LYPD6B: variants seen among roughly 807,000 people sequenced by gnomAD.
The protein encoded by LYPD6B is ly6/PLAUR domain-containing protein 6B.
A neutral mutation model predicts 22.8 loss-of-function variants in LYPD6B; 17 were observed. The observed-to-expected ratio is 0.75, with a 90% CI of 0.51 to 1.12. The LOEUF (loss-of-function observed/expected upper bound fraction) is 1.12. Among genes scored for constraint, LYPD6B ranks in the 50% most tolerant of loss-of-function variants. The pLI is 0.00. For missense variants in LYPD6B, 221 were observed against 258.3 expected (o/e 0.86, Z 0.99); for synonymous variants, 106 against 91.6 (o/e 1.16, Z -0.90).
rs147660979 is a variant in LYPD6B at position 149,094,054 on chromosome 2, G to T, written c.-66-36829G>T. On this transcript the variant is annotated intron_variant, in intron 1 of 6. Transcript: ENST00000409642. Reference sequence around the variant, plus strand: ...GAATGGATAGAAAGTGGTGGAACAAGAAATGGATAAATAAGCATAGTATAA... The same window carrying T: ...GAATGGATAGAAAGTGGTGGAACAATAAATGGATAAATAAGCATAGTATAA... Among the ~76,000 whole-genome samples the T allele has an allele frequency of 3.7e-3, 557 of 152,244 alleles. 2 individuals carry two copies. Among genetic ancestry groups the T allele is most frequent in the African/African-American group, 0.01 (421 of 41,540 alleles).
intron 1 of LYPD6B, among the ~76,000 whole-genome samples, chr2:149,102,205 C>T (rs1344852694): frequency 6.6e-6 from 1 of 152,170 alleles, no homozygotes; most frequent in Non-Finnish European, 1.5e-5. Context: ...GAATGAATCA[C>T]TTTAAAAAAG....
intron 1 of LYPD6B, among the ~76,000 whole-genome samples, chr2:149,085,272 C>A (rs1275697269): frequency 6.6e-6 from 1 of 152,202 alleles, no homozygotes; most frequent in Non-Finnish European, 1.5e-5. Flanking sequence ...ATGTTCGTGC[C>A]CTTCAGTATC....
In LYPD6B at chr2:149,214,538, T is replaced by A; in HGVS notation, c.460-8T>A. 6.2e-7 allele frequency: 1 copy of A among 1,612,496 alleles called. No homozygotes were observed. The highest frequency in any genetic ancestry group is 8.5e-7 in the Non-Finnish European group (1 of 1,178,598). On this transcript the variant is annotated splice_region_variant and splice_polypyrimidine_tract_variant and intron_variant, in intron 6 of 6. Coordinates refer to ENST00000409642, the MANE Select transcript of LYPD6B (RefSeq NM_177964.5). ...CACTGTCATTTCCTCTCTCCTTTTT[T>A]GTAACAGGAGTGTAGGTCTTGCTGT...
At chr2:149,135,394 A>G (rs1191324052) in intron 2 of LYPD6B, among the ~76,000 whole-genome samples, 1 of 152,032 alleles carries the variant, frequency 6.6e-6, no homozygotes, top group Non-Finnish European at 1.5e-5. Context: ...CTTTGTGTGC[A>G]TATTTAAATA....
In LYPD6B at chr2:149,214,831, C is replaced by A; in HGVS notation, c.*121C>A. 9.5e-7 allele frequency: 1 copy of A among 1,050,242 alleles called. No individual in the cohort carries two copies. Among genetic ancestry groups the A allele is most frequent in the Non-Finnish European group, 1.4e-6 (1 of 695,048 alleles). The allele number at this position is 1,050,242 out of a possible 1,614,324, so 65.1% of individuals were successfully genotyped here. A position where few individuals can be genotyped will look rare whatever the true frequency, so the allele number is the denominator to read the frequency against. On this transcript the variant is annotated 3_prime_UTR_variant, in exon 7 of 7. Coordinates refer to ENST00000409642, the MANE Select transcript of LYPD6B (RefSeq NM_177964.5). Reference sequence around the variant, plus strand: ...TTGGTGAAGAGTGCACATTGGACCTCAAGGCGAAAGCCAGTGGTTTGCTTG... The same window carrying A: ...TTGGTGAAGAGTGCACATTGGACCTAAAGGCGAAAGCCAGTGGTTTGCTTG...
chr2:149,159,734 A>G (rs1689932440), intron 2 of LYPD6B, among the ~76,000 whole-genome samples: 1 of 152,008 alleles, frequency 6.6e-6, no homozygotes, highest in Admixed American at 6.6e-5. Flanking sequence ...ACCAGGTTGG[A>G]GATCCAAGGA....
At chr2:149,177,887 G>A (rs10177769) in intron 3 of LYPD6B, among the ~76,000 whole-genome samples, 60,481 of 149,224 alleles carry the variant, frequency 0.41, 12,439 homozygotes, top group Non-Finnish European at 0.43. Flanking sequence ...TGGAAGTAAG[G>A]TAATGTTTAT....
chr2:149,171,934 C>T (rs1463175773), intron 3 of LYPD6B, among the ~76,000 whole-genome samples: 1 of 151,846 alleles, frequency 6.6e-6, no homozygotes, highest in Non-Finnish European at 1.5e-5. Context: ...GCTCCCAGGC[C>T]CCTGGTTTCT....
chr2:149,147,068 G>A (rs1371416831), intron 2 of LYPD6B, among the ~76,000 whole-genome samples: 1 of 152,134 alleles, frequency 6.6e-6, no homozygotes, highest in Non-Finnish European at 1.5e-5. Flanking sequence ...GGGCGGAGAA[G>A]CACAACCCCA....
rs1687559895 is a variant in LYPD6B at position 149,124,315 on chromosome 2, CA to C, written c.-66-6567del. ...TATCAATGACGGTTGTTCCACTGGG[CA>C]GAGAACATTATCTCCTCTTTGCATA... On this transcript the variant is annotated intron_variant, in intron 1 of 6. Coordinates refer to ENST00000409642, the MANE Select transcript of LYPD6B (RefSeq NM_177964.5). 7.2e-5 allele frequency among the ~76,000 whole-genome samples: 11 copies of C among 152,182 alleles called. No homozygotes were observed. In the South Asian group the frequency reaches 2.3e-3, roughly 32 times the overall value.
Position 149,206,944 on chromosome 2 carries a change from C to T in LYPD6B, c.230-1370C>T, listed in dbSNP as rs551759974. ...CTTTATATCAGAAAGAAAAAGAAAT[C>T]ACAAGCAAACTAAATGTTAAATAAT... On this transcript the variant is annotated intron_variant, in intron 4 of 6. Transcript: ENST00000409642. Among the ~76,000 whole-genome samples, 4 of 152,188 alleles carry T rather than the reference C, an allele frequency of 2.6e-5. No homozygotes were observed. In the South Asian group the frequency reaches 6.2e-4, roughly 24 times the overall value.
At chr2:149,042,803 C>G (rs1313717313) in intron 1 of LYPD6B, among the ~76,000 whole-genome samples, 1 of 152,208 alleles carries the variant, frequency 6.6e-6, no homozygotes, top group Non-Finnish European at 1.5e-5. Context: ...GGCTTATTCT[C>G]TCTTGTTTCC....
At chr2:149,136,981 T>A (rs1410389191) in intron 2 of LYPD6B, among the ~76,000 whole-genome samples, 1 of 152,200 alleles carries the variant, frequency 6.6e-6, no homozygotes, top group African/African-American at 2.4e-5. Flanking sequence ...TTCATTTAAA[T>A]GTTTTGGATG....
At chr2:149,123,666 A>G (rs945533439) in intron 1 of LYPD6B, among the ~76,000 whole-genome samples, 3 of 152,160 alleles carry the variant, frequency 2.0e-5, no homozygotes, top group African/African-American at 7.2e-5. Flanking sequence ...GATCGAGACC[A>G]TCCTGGCCAA....
chr2:149,083,679 A>G (rs1037942135), intron 1 of LYPD6B, among the ~76,000 whole-genome samples: 4 of 152,172 alleles, frequency 2.6e-5, no homozygotes, highest in Non-Finnish European at 4.4e-5. Context: ...ATTTTTTGCC[A>G]AAGCTACTTC....
At chr2:149,158,810 G>A (rs1175012079) in intron 2 of LYPD6B, among the ~76,000 whole-genome samples, 1 of 152,120 alleles carries the variant, frequency 6.6e-6, no homozygotes. Context: ...TATTACTTGA[G>A]CTTAAAAACC....
intron 1 of LYPD6B, among the ~76,000 whole-genome samples, chr2:149,039,441 G>C (rs912090002): frequency 7.2e-5 from 11 of 152,218 alleles, no homozygotes; most frequent in Non-Finnish European, 1.3e-4. Flanking sequence ...CGTTTGGGGG[G>C]AGCTGGTGGG....
At chr2:149,120,383 A>ATATATATATTTTT (rs1327065975) in intron 1 of LYPD6B, among the ~76,000 whole-genome samples, 2 of 48,614 alleles carry the variant, frequency 4.1e-5, no homozygotes, top group Admixed American at 3.6e-4. Context: ...ATATATATAT[A>ATATATATATTTTT]TTTTTTTTTT....
intron 1 of LYPD6B, among the ~76,000 whole-genome samples, chr2:149,062,175 CG>C (rs1684117067): frequency 6.6e-6 from 1 of 152,000 alleles, no homozygotes; most frequent in African/African-American, 2.4e-5. Context: ...TTAGTAGAGA[CG>C]GGGTTTCTCC....
Sources: gnomAD v4.1 joint callset for allele counts (sites outside exome capture counted in the v4.1 genomes callset) on GRCh38, gnomAD v4.1.1 for gene constraint, MANE v1.5 for transcripts, NCBI Gene and HGNC (gene_info 2026-07-23, HGNC 2026-07-21) for gene names.